The following HBA2 variants were observed in gnomAD, a reference collection of about 807,000 sequenced individuals.
HBA2 encodes the protein hemoglobin subunit alpha.
HBA2 carries 9 observed loss-of-function variants against 5.6 expected under a neutral mutation model. The observed-to-expected ratio is 1.60, with a 90% CI of 0.97 to 2.80. The LOEUF (loss-of-function observed/expected upper bound fraction) is 2.80, where lower values mean the gene tolerates loss of function less well. HBA2 is among the 30% of genes most tolerant of loss of function. The probability of loss-of-function intolerance (pLI) is 0.00; values close to 1 mark genes in which losing one functional copy is unlikely to be tolerated. For missense variants in HBA2, 86 were observed against 152.1 expected (o/e 0.57, Z 2.29); for synonymous variants, 38 against 73.4 (o/e 0.52, Z 2.47).
At position 173,350 on chromosome 16, in the gene HBA2, G is replaced by A. The variant is rs776215584; in HGVS notation, c.300+21G>A. 5 of 1,597,110 alleles carry A rather than the reference G, an allele frequency of 3.1e-6. No homozygotes were observed. In the Admixed American group the frequency reaches 6.7e-5, roughly 21 times the overall value. On this transcript the variant is annotated intron_variant, in intron 2 of 2. Coordinates refer to ENST00000251595, the MANE Select transcript of HBA2 (RefSeq NM_000517.6). ...TCAAGGTGAGCGGCGGGCCGGGAGC[G>A]ATCTGGGTCGAGGGGCGAGATGGCG...
At position 173,335 on chromosome 16, in the gene HBA2, C is replaced by T. The variant is rs748424368; in HGVS notation, c.300+6C>T. On this transcript the variant is annotated splice_donor_region_variant and intron_variant, in intron 2 of 2. Transcript: ENST00000251595. ...TGGACCCGGTCAACTTCAAGGTGAGCGGCGGGCCGGGAGCGATCTGGGTCG... is the reference window on the plus strand; with the variant it reads ...TGGACCCGGTCAACTTCAAGGTGAGTGGCGGGCCGGGAGCGATCTGGGTCG... 1.9e-6 allele frequency: 3 copies of T among 1,583,800 alleles called. No homozygotes were observed. The highest frequency in any genetic ancestry group is 1.7e-6 in the Non-Finnish European group (2 of 1,171,474).
rs1363099908 is a variant in HBA2 at position 173,703 on chromosome 16, G to A, written c.*103G>A. On this transcript the variant is annotated 3_prime_UTR_variant, in exon 3 of 3. Coordinates refer to ENST00000251595, the MANE Select transcript of HBA2 (RefSeq NM_000517.6). ...CCTGGTCTTTGAATAAAGTCTGAGT[G>A]GGCAGCAGCCTGTGTGTGCCTGGGT... The A allele has an allele frequency of 1.6e-5, 24 of 1,483,308 alleles. 1 individual carries two copies. Among genetic ancestry groups the A allele is most frequent in the South Asian group, 9.6e-5 (8 of 83,544 alleles). 91.9% of individuals were successfully genotyped at this position (1,483,308 alleles called of 1,614,324 possible).
chr16:173,679 CTGGTCTT>C lies in HBA2; in HGVS notation c.*82_*88del. 2.5e-6 allele frequency: 4 copies of C among 1,575,692 alleles called. No individual in the cohort carries two copies. Among genetic ancestry groups the C allele is most frequent in the Non-Finnish European group, 3.5e-6 (4 of 1,157,432 alleles). The stretch of plus-strand genomic sequence containing the variant: ...CCTCCCCTCCTTGCACCGGCCCTTC[CTGGTCTT>C]TGAATAAAGTCTGAGTGGGCAGCAG... On this transcript the variant is annotated 3_prime_UTR_variant, in exon 3 of 3. Coordinates refer to ENST00000251595, the MANE Select transcript of HBA2 (RefSeq NM_000517.6).
rs41464951 is a variant in HBA2 at position 173,598 on chromosome 16, T to G, written c.427T>G (p.Ter143GluextTer31). 4.4e-6 allele frequency: 7 copies of G among 1,608,140 alleles called. No homozygotes were observed. Among genetic ancestry groups the G allele is most frequent in the African/African-American group, 4.2e-5 (3 of 70,952 alleles). Residue 143 changes from the stop codon to glutamate, a stop_lost, in exon 3 of 3, where the codon TAA becomes GAA. Transcript: ENST00000251595. ...CACCGTGCTGACCTCCAAATACCGT[T>G]AAGCTGGAGCCTCGGTAGCCGTTCC... ...VSTVLTSKYR[*>E]
rs41321052 is a variant in HBA2 at position 173,478 on chromosome 16, A to C, written c.307A>C (p.Ser103Arg). The C allele has an allele frequency of 1.2e-6, 2 of 1,605,728 alleles. No homozygotes were observed. The highest frequency in any genetic ancestry group is 1.1e-5 in the South Asian group (1 of 89,862). Residue 103 changes from serine (S) to arginine (R), a missense_variant, in exon 3 of 3, where the codon AGC becomes CGC. Physicochemically the swap from Ser to Arg is moderately radical, Grantham distance 110 (BLOSUM62 -1). Transcript: ENST00000251595. ...RVDPVNFKLL[S>R]HCLLVTLAAH... ...GACCCTCTTCTCTGCACAGCTCCTAAGCCACTGCCTGCTGGTGACCCTGGC... is the reference window on the plus strand; with the variant it reads ...GACCCTCTTCTCTGCACAGCTCCTACGCCACTGCCTGCTGGTGACCCTGGC...
In HBA2 at chr16:173,228, C is replaced by T. The variant is rs1280121011; in HGVS notation, c.199C>T (p.Leu67=). Residue 67 remains leucine, a synonymous_variant, in exon 2 of 3, where the codon CTG becomes TTG. Transcript: ENST00000251595. ...KGHGKKVADA[L]TNAVAHVDDM... is the part of the protein sequence containing the mutation. ...CCACGGCAAGAAGGTGGCCGACGCG[C>T]TGACCAACGCCGTGGCGCACGTGGA... The T allele has an allele frequency of 2.3e-6, 3 of 1,333,130 alleles. No individual in the cohort carries two copies. Among genetic ancestry groups the T allele is most frequent in the Non-Finnish European group, 3.0e-6 (3 of 988,218 alleles). The allele number at this position is 1,333,130 out of a possible 1,614,324, so 82.6% of individuals were successfully genotyped here. A position where few individuals can be genotyped will look rare whatever the true frequency, so the allele number is the denominator to read the frequency against.
chr16:173,448 G>A, intron 2 of HBA2, 24 bp from the exon 3 acceptor site: 1 of 1,599,734 alleles, frequency 6.3e-7, no homozygotes, highest in Non-Finnish European at 8.5e-7. Context: ...GGCCTGGGCC[G>A]CACTGACCCT....
chr16:173,655 C>T lies in HBA2; in HGVS notation c.*55C>T. 1 of 1,602,868 alleles carries T rather than the reference C, an allele frequency of 6.2e-7. No individual in the cohort carries two copies. Among genetic ancestry groups the T allele is most frequent in the Non-Finnish European group, 8.5e-7 (1 of 1,176,710 alleles). On this transcript the variant is annotated 3_prime_UTR_variant, in exon 3 of 3. Transcript: ENST00000251595. Reference sequence around the variant, plus strand: ...CCGCTGGGCCTCCCAACGGGCCCTCCTCCCCTCCTTGCACCGGCCCTTCCT... The same window carrying T: ...CCGCTGGGCCTCCCAACGGGCCCTCTTCCCCTCCTTGCACCGGCCCTTCCT...
rs1902055654 is a variant in HBA2 at position 173,412 on chromosome 16, G to A, written c.301-60G>A. The stretch of plus-strand genomic sequence containing the variant: ...GGGCAGAGGATCACGCGGGTTGCGG[G>A]AGGTGTAGCGCAGGCGGCGGCTGCG... On this transcript the variant is annotated intron_variant, in intron 2 of 2. Coordinates refer to ENST00000251595, the MANE Select transcript of HBA2 (RefSeq NM_000517.6). 6 of 1,604,834 alleles carry A rather than the reference G, an allele frequency of 3.7e-6. 1 individual carries two copies. The African/African-American group carries it at 4.4e-5, about 12-fold the overall frequency.
Position 173,655 on chromosome 16 carries a change from C to G in HBA2, c.*55C>G, listed in dbSNP as rs1268215720. On this transcript the variant is annotated 3_prime_UTR_variant, in exon 3 of 3. Transcript: ENST00000251595. ...CCGCTGGGCCTCCCAACGGGCCCTC[C>G]TCCCCTCCTTGCACCGGCCCTTCCT... The G allele has an allele frequency of 1.9e-6, 3 of 1,602,868 alleles. No homozygotes were observed. The highest frequency in any genetic ancestry group is 2.5e-6 in the Non-Finnish European group (3 of 1,176,710).
rs773500557 is a variant in HBA2, at chr16:173,339, G to A, written c.300+10G>A. 4.4e-6 allele frequency: 7 copies of A among 1,590,266 alleles called. No homozygotes were observed. The highest frequency in any genetic ancestry group is 6.0e-6 in the Non-Finnish European group (7 of 1,174,984). On this transcript the variant is annotated intron_variant, in intron 2 of 2. Transcript: ENST00000251595. ...CCCGGTCAACTTCAAGGTGAGCGGC[G>A]GGCCGGGAGCGATCTGGGTCGAGGG...
Position 172,992 on chromosome 16 carries a change from C to T in HBA2, c.80C>T (p.Ala27Val), listed in dbSNP as rs281864822. 2.5e-5 allele frequency: 11 copies of T among 436,678 alleles called. No individual in the cohort carries two copies. In the Admixed American group the frequency reaches 3.0e-4, roughly 12 times the overall value. 27.1% of individuals were successfully genotyped at this position (436,678 alleles called of 1,614,324 possible). A position where few individuals can be genotyped will look rare whatever the true frequency, so the allele number is the denominator to read the frequency against. ...KVGAHAGEYG[A>V]EALERMFLSF... Reference sequence around the variant, plus strand: ...GGCGCGCACGCTGGCGAGTATGGTGCGGAGGCCCTGGAGAGGTGAGGCTCC... The same window carrying T: ...GGCGCGCACGCTGGCGAGTATGGTGTGGAGGCCCTGGAGAGGTGAGGCTCC... Residue 27 changes from alanine to valine, a missense_variant, in exon 1 of 3, where the codon GCG becomes GTG. Physicochemically the swap from Ala to Val is moderately conservative, Grantham distance 64 (BLOSUM62 0). This residue lies in a region of HBA2 where 17 missense variants were observed against 16.0 expected (regional missense o/e 1.06). Coordinates refer to ENST00000251595, the MANE Select transcript of HBA2 (RefSeq NM_000517.6).
In HBA2 at chr16:173,679, C is replaced by G. The variant is rs4021964; in HGVS notation, c.*79C>G. 1.9e-6 allele frequency: 3 copies of G among 1,575,692 alleles called. No individual in the cohort carries two copies. In the South Asian group the frequency reaches 3.4e-5, roughly 18 times the overall value. ...CCTCCCCTCCTTGCACCGGCCCTTC[C>G]TGGTCTTTGAATAAAGTCTGAGTGG... On this transcript the variant is annotated 3_prime_UTR_variant, in exon 3 of 3. Coordinates refer to ENST00000251595, the MANE Select transcript of HBA2 (RefSeq NM_000517.6).
In HBA2 at chr16:173,020, C is replaced by T; in HGVS notation, c.95+13C>T. 2.1e-6 allele frequency: 1 copy of T among 470,868 alleles called. No homozygotes were observed. The highest frequency in any genetic ancestry group is 3.6e-6 in the Non-Finnish European group (1 of 277,728). 29.2% of individuals were successfully genotyped at this position (470,868 alleles called of 1,614,324 possible). A position where few individuals can be genotyped will look rare whatever the true frequency, so the allele number is the denominator to read the frequency against. ...AGGCCCTGGAGAGGTGAGGCTCCCT[C>T]CCCTGCTCCGACCCGGGCTCCTCGC... On this transcript the variant is annotated intron_variant, in intron 1 of 2. Transcript: ENST00000251595.
chr16:173,236 C>A lies in HBA2; in HGVS notation c.207C>A (p.Asn69Lys), dbSNP rs111033601. 1.4e-6 allele frequency: 2 copies of A among 1,385,422 alleles called. No individual in the cohort carries two copies. The highest frequency in any genetic ancestry group is 1.9e-5 in the African/African-American group (1 of 51,624). The allele number at this position is 1,385,422 out of a possible 1,614,324, so 85.8% of individuals were successfully genotyped here. The change falls in exon 2 of 3, where the codon AAC becomes AAA. Residue 69 changes from asparagine (N) to lysine (K), a missense_variant. This residue lies in a region of HBA2 where 25 missense variants were observed against 81.3 expected (regional missense o/e 0.31). Coordinates refer to ENST00000251595, the MANE Select transcript of HBA2 (RefSeq NM_000517.6). ...AGAAGGTGGCCGACGCGCTGACCAA[C>A]GCCGTGGCGCACGTGGACGACATGC... ...HGKKVADALT[N>K]AVAHVDDMPN... is the part of the protein sequence containing the mutation.
chr16:173,672 G>A lies in HBA2; in HGVS notation c.*72G>A. 6.3e-7 allele frequency: 1 copy of A among 1,582,870 alleles called. No individual in the cohort carries two copies. The highest frequency in any genetic ancestry group is 8.6e-7 in the Non-Finnish European group (1 of 1,162,622). On this transcript the variant is annotated 3_prime_UTR_variant, in exon 3 of 3. Coordinates refer to ENST00000251595, the MANE Select transcript of HBA2 (RefSeq NM_000517.6). ...GGGCCCTCCTCCCCTCCTTGCACCG[G>A]CCCTTCCTGGTCTTTGAATAAAGTC...
Position 173,486 on chromosome 16 carries a change from C to A in HBA2, c.315C>A (p.Cys105Ter). ...DPVNFKLLSH[C>*]LLVTLAAHLP... The stretch of plus-strand genomic sequence containing the variant: ...TCTCTGCACAGCTCCTAAGCCACTG[C>A]CTGCTGGTGACCCTGGCCGCCCACC... The change falls in exon 3 of 3, where the codon TGC becomes TGA. Residue 105 changes from cysteine to a stop codon, truncating the protein, a stop_gained. Transcript: ENST00000251595. LOFTEE classifies it high-confidence loss of function. 2 of 1,606,162 alleles carry A rather than the reference C, an allele frequency of 1.2e-6. No individual in the cohort carries two copies. The highest frequency in any genetic ancestry group is 1.1e-5 in the South Asian group (1 of 89,860).
chr16:173,497 C>A lies in HBA2; in HGVS notation c.326C>A (p.Thr109Asn), dbSNP rs63750010. ...FKLLSHCLLV[T>N]LAAHLPAEFT... ...CTCCTAAGCCACTGCCTGCTGGTGA[C>A]CCTGGCCGCCCACCTCCCCGCCGAG... Residue 109 changes from threonine (T) to asparagine (N), a missense_variant, in exon 3 of 3, where the codon ACC becomes AAC. Physicochemically the swap from Thr to Asn is moderately conservative, Grantham distance 65. Coordinates refer to ENST00000251595, the MANE Select transcript of HBA2 (RefSeq NM_000517.6). 4.7e-5 allele frequency: 76 copies of A among 1,606,354 alleles called. 8 individuals carry two copies. In the South Asian group the frequency reaches 8.5e-4, roughly 18 times the overall value.
chr16:173,504 C>T lies in HBA2; in HGVS notation c.333C>T (p.Ala111=). The change falls in exon 3 of 3, where the codon GCC becomes GCT. Residue 111 remains alanine (A), a synonymous_variant. Coordinates refer to ENST00000251595, the MANE Select transcript of HBA2 (RefSeq NM_000517.6). ...GCCACTGCCTGCTGGTGACCCTGGC[C>T]GCCCACCTCCCCGCCGAGTTCACCC... ...LLSHCLLVTL[A]AHLPAEFTPA... The T allele has an allele frequency of 1.9e-6, 3 of 1,606,480 alleles. No individual in the cohort carries two copies. Among genetic ancestry groups the T allele is most frequent in the South Asian group, 1.1e-5 (1 of 89,804 alleles).
Sources: allele counts gnomAD v4.1 joint callset, GRCh38; gene constraint gnomAD v4.1.1; regional missense constraint gnomAD v4.1.1; transcripts MANE v1.5; gene names NCBI Gene and HGNC (gene_info 2026-07-23, HGNC 2026-07-21).